The following USP26 variants were observed in gnomAD, a reference collection of about 807,000 sequenced individuals.
The protein encoded by USP26 is ubiquitin specific peptidase 26.
For synonymous variants in USP26, 236 were observed against 240.6 expected, an observed-to-expected ratio of 0.98 and a Z score of 0.18; for missense variants, 649 against 642.3, an observed-to-expected ratio of 1.01 and a Z score of -0.11.
chrX:133,032,454 A>C (rs1227261025), intron 5 of USP26, among the ~76,000 whole-genome samples: 4 of 112,068 alleles, frequency 3.6e-5, no homozygotes, highest in Non-Finnish European at 7.5e-5. Flanking sequence ...GGAGCATGGT[A>C]AAAGAATTGA....
intron 5 of USP26, among the ~76,000 whole-genome samples, chrX:133,052,635 G>GT (rs1025500123): frequency 3.6e-5 from 4 of 112,221 alleles, no homozygotes; most frequent in Non-Finnish European, 5.6e-5. Flanking sequence ...CCAGGAAGTT[G>GT]TTTAACAAAA....
At chrX:133,039,216 T>C (rs2067408004) in intron 5 of USP26, among the ~76,000 whole-genome samples, 1 of 111,394 alleles carries the variant, frequency 9.0e-6, no homozygotes, top group Admixed American at 9.6e-5. Flanking sequence ...CTTTTGAATT[T>C]GTTTGCTCTT....
chrX:133,053,537 TAA>T (rs1403278998), intron 5 of USP26, among the ~76,000 whole-genome samples: 16 of 90,827 alleles, frequency 1.8e-4, no homozygotes, highest in Admixed American at 2.5e-4. Flanking sequence ...GACTCTTTTT[TAA>T]AAAAAAAAAA....
chrX:133,041,736 C>T (rs1447498999), intron 5 of USP26, among the ~76,000 whole-genome samples: 1 of 112,455 alleles, frequency 8.9e-6, no homozygotes, highest in East Asian at 2.8e-4. Flanking sequence ...CTGGGAGAAT[C>T]CCCTTTGTCA....
rs2067345291 is a variant in USP26, at chrX:133,025,955, G to A, written c.2266C>T (p.Leu756=). Residue 756 remains leucine (L), a synonymous_variant, in exon 6 of 6, where the codon CTG becomes TTG. Transcript: ENST00000511190. ...RICEQAPQQA[L]PQSFPKPGTQ... Reference sequence around the variant, plus strand: ...CCTGGCTTTGGAAAGCTTTGAGGCAGTGCCTGCTGAGGGGCTTGTTCACAG... The same window carrying A: ...CCTGGCTTTGGAAAGCTTTGAGGCAATGCCTGCTGAGGGGCTTGTTCACAG... The A allele has an allele frequency of 1.7e-6, 2 of 1,209,439 alleles. No homozygotes were observed. The highest frequency in any genetic ancestry group is 1.8e-5 in the African/African-American group (1 of 56,994).
intron 5 of USP26, among the ~76,000 whole-genome samples, chrX:133,065,499 C>A (rs2067508320): frequency 9.0e-6 from 1 of 111,710 alleles, no homozygotes; most frequent in African/African-American, 3.3e-5. Context: ...CAAACTGAAT[C>A]CAGCAGCTAA....
At chrX:133,040,330 C>A (rs751039021) in intron 5 of USP26, among the ~76,000 whole-genome samples, 5 of 111,418 alleles carry the variant, frequency 4.5e-5, no homozygotes, top group Non-Finnish European at 9.4e-5. Flanking sequence ...TGGCTGGTAC[C>A]GGTTTTTCCT....
intron 5 of USP26, among the ~76,000 whole-genome samples, chrX:133,081,227 T>C (rs767412876): frequency 3.6e-5 from 4 of 111,107 alleles, no homozygotes; most frequent in African/African-American, 1.3e-4. Flanking sequence ...TAAAAATACT[T>C]TTCTGGGATA....
intron 5 of USP26, among the ~76,000 whole-genome samples, chrX:133,075,875 C>A (rs1049932172): frequency 9.0e-6 from 1 of 111,691 alleles, no homozygotes; most frequent in East Asian, 2.8e-4. Context: ...ATTTGAGTAC[C>A]TTTACACACG....
intron 5 of USP26, among the ~76,000 whole-genome samples, chrX:133,034,149 T>C (rs1455431585): frequency 8.9e-6 from 1 of 111,911 alleles, no homozygotes; most frequent in Non-Finnish European, 1.9e-5. Context: ...TGTGATACCC[T>C]GCAATGCTGC....
intron 5 of USP26, among the ~76,000 whole-genome samples, chrX:133,052,535 G>T (rs1158447672): frequency 8.9e-6 from 1 of 112,403 alleles, no homozygotes; most frequent in African/African-American, 3.2e-5. Flanking sequence ...CTGGAAAGAA[G>T]TTCCTCCACA....
At position 133,027,581 on chromosome X, in the gene USP26, C is replaced by G; in HGVS notation, c.640G>C (p.Val214Leu). Residue 214 changes from valine (V) to leucine (L), a missense_variant, in exon 6 of 6, where the codon GTA becomes CTA. Val to Leu is a conservative substitution (Grantham distance 32). Coordinates refer to ENST00000511190, the MANE Select transcript of USP26 (RefSeq NM_031907.3). ...KKSKADCSRC[V>L]SYNREKQLKL... ...AATTGTTTCTCTCGATTATAGCTTA[C>G]ACACCTCGAACAATCTGCCTTGGAT... 1.7e-6 allele frequency: 2 copies of G among 1,209,473 alleles called. No homozygotes were observed. Among genetic ancestry groups the G allele is most frequent in the Non-Finnish European group, 2.2e-6 (2 of 893,585 alleles).
chrX:133,052,056 C>T (rs2067460845), intron 5 of USP26, among the ~76,000 whole-genome samples: 1 of 111,902 alleles, frequency 8.9e-6, no homozygotes, highest in African/African-American at 3.2e-5. Context: ...TAATGATGCA[C>T]TGACAAACAA....
chrX:133,087,090 T>C (rs2067592304), intron 4 of USP26, among the ~76,000 whole-genome samples: 1 of 110,829 alleles, frequency 9.0e-6, no homozygotes. Flanking sequence ...AGTAAAAGTG[T>C]TTTCAGTCTT....
At chrX:133,092,739 A>G (rs556574810) in intron 1 of USP26, among the ~76,000 whole-genome samples, 4 of 111,830 alleles carry the variant, frequency 3.6e-5, no homozygotes, top group African/African-American at 1.3e-4. Context: ...GCTCTGCTCA[A>G]AAAGTCAGGA....
intron 5 of USP26, among the ~76,000 whole-genome samples, chrX:133,050,424 A>G (rs1020619217): frequency 8.9e-6 from 1 of 111,944 alleles, no homozygotes; most frequent in Non-Finnish European, 1.9e-5. Context: ...GCTAAAACAG[A>G]TTGCTTCATC....
intron 5 of USP26, among the ~76,000 whole-genome samples, chrX:133,062,049 T>C (rs1364569488): frequency 9.0e-6 from 1 of 111,693 alleles, no homozygotes; most frequent in Admixed American, 9.5e-5. Flanking sequence ...CAGTCTGAAG[T>C]CGACCTGAGA....
At chrX:133,079,261 T>C (rs988595621) in intron 5 of USP26, among the ~76,000 whole-genome samples, 2 of 111,946 alleles carry the variant, frequency 1.8e-5, no homozygotes, top group Admixed American at 1.9e-4. Context: ...AATTTTGCCT[T>C]AGCAACAGAT....
chrX:133,077,037 G>C (rs893440157), intron 5 of USP26, among the ~76,000 whole-genome samples: 4 of 112,166 alleles, frequency 3.6e-5, no homozygotes, highest in Non-Finnish European at 7.5e-5. Context: ...ACAGCCTCCT[G>C]TAGCAATTTC....
Sources: allele counts gnomAD v4.1 joint callset (sites outside exome capture counted in the v4.1 genomes callset), GRCh38; gene constraint gnomAD v4.1.1; transcripts MANE v1.5; gene names NCBI Gene and HGNC (gene_info 2026-07-23, HGNC 2026-07-21).